Variants in MCPH1 observed in about 807,000 individuals in gnomAD.
MCPH1 encodes the protein microcephalin 1.
MCPH1 carries 104 observed loss-of-function variants against 84.5 expected under a neutral mutation model. The ratio of observed to expected loss-of-function variants is 1.23; its 90% CI spans 1.05 to 1.45. The LOEUF (loss-of-function observed/expected upper bound fraction) is 1.45. Among genes scored for constraint, MCPH1 ranks in the 40% most tolerant of loss-of-function variants. The pLI is 0.00. For missense variants in MCPH1, 1,498 were observed against 1,005.7 expected, an observed-to-expected ratio of 1.49 and a Z score of -6.62; for synonymous variants, 514 against 366.8, an observed-to-expected ratio of 1.40 and a Z score of -4.58.
intron 4 of MCPH1, among the ~76,000 whole-genome samples, chr8:6,434,145 C>G (rs1182789506): frequency 1.3e-5 from 2 of 152,216 alleles, no homozygotes; most frequent in Non-Finnish European, 2.9e-5. Context: ...TGCTGACTGG[C>G]TCCTCCTAAC....
intron 13 of MCPH1, chr8:6,626,837 G>T: frequency 1.0e-6 from 1 of 985,140 alleles, no homozygotes; most frequent in Non-Finnish European, 1.2e-6. Flanking sequence ...CCTCCCTGCT[G>T]CTGTTATCAC....
At chr8:6,515,455 A>C (rs1006718616) in intron 12 of MCPH1, among the ~76,000 whole-genome samples, 6 of 152,192 alleles carry the variant, frequency 3.9e-5, no homozygotes, top group African/African-American at 1.4e-4. Flanking sequence ...TTCTCTGTAC[A>C]TAGCTCACTG....
At chr8:6,539,129 G>T (rs552812392) in intron 12 of MCPH1, among the ~76,000 whole-genome samples, 24 of 152,350 alleles carry the variant, frequency 1.6e-4, no homozygotes, top group African/African-American at 5.3e-4. Context: ...AAAGAGGGAA[G>T]GGCTGGGAGA....
At chr8:6,515,896 G>T (rs1445583782) in intron 12 of MCPH1, among the ~76,000 whole-genome samples, 2 of 152,316 alleles carry the variant, frequency 1.3e-5, no homozygotes, top group African/African-American at 4.8e-5. Flanking sequence ...CCAAGAGAGT[G>T]CTATTCCTGT....
chr8:6,468,402 C>G (rs138018971), intron 9 of MCPH1, among the ~76,000 whole-genome samples: 1 of 152,304 alleles, frequency 6.6e-6, no homozygotes, highest in East Asian at 1.9e-4. Flanking sequence ...TATTCTTACT[C>G]TCCCTGGCCA....
intron 9 of MCPH1, among the ~76,000 whole-genome samples, chr8:6,458,865 C>T (rs1163870365): frequency 1.8e-4 from 28 of 152,096 alleles, no homozygotes; most frequent in South Asian, 8.3e-4. Context: ...AGGCTGGTCT[C>T]GAACTCCTGA....
Position 6,578,344 on chromosome 8 carries a change from G to A in MCPH1, c.2215-43110G>A, listed in dbSNP as rs143526631. Among the ~76,000 whole-genome samples, 292 of 152,288 alleles carry A rather than the reference G, an allele frequency of 1.9e-3. 1 individual carries two copies. The highest frequency in any genetic ancestry group is 6.8e-3 in the African/African-American group (282 of 41,558). Reference sequence around the variant, plus strand: ...AAAAGAAAAGTGAGAAAACAACAAAGCTTGAAGCCTAAAACTTTGGGAAAC... The same window carrying A: ...AAAAGAAAAGTGAGAAAACAACAAAACTTGAAGCCTAAAACTTTGGGAAAC... On this transcript the variant is annotated intron_variant, in intron 12 of 13. Transcript: ENST00000344683.
At chr8:6,547,810 G>T (rs1055861088) in intron 12 of MCPH1, among the ~76,000 whole-genome samples, 1 of 152,112 alleles carries the variant, frequency 6.6e-6, no homozygotes, top group Non-Finnish European at 1.5e-5. Flanking sequence ...GGGGAGCACC[G>T]GAAGAAGGGA....
At chr8:6,555,387 A>T (rs558823454) in intron 12 of MCPH1, among the ~76,000 whole-genome samples, 2 of 151,882 alleles carry the variant, frequency 1.3e-5, no homozygotes, top group Non-Finnish European at 2.9e-5. Flanking sequence ...CTGTAACTAG[A>T]TGTATGGTTT....
At position 6,505,320 on chromosome 8, in the gene MCPH1, G is replaced by T. The variant is rs1199301052; in HGVS notation, c.2214+5391G>T. Among the ~76,000 whole-genome samples the T allele has an allele frequency of 8.2e-5, 4 of 48,566 alleles. 1 individual carries two copies. Among genetic ancestry groups the T allele is most frequent in the African/African-American group, 4.7e-4 (4 of 8,514 alleles). The allele number at this position is 48,566 out of a possible 152,430, so 31.9% of individuals were successfully genotyped here. On this transcript the variant is annotated intron_variant, in intron 12 of 13. Transcript: ENST00000344683. ...ATATATATGTATATAACATATATAT[G>T]TTATATACATATAGAAAGAATATAT...
intron 12 of MCPH1, chr8:6,617,239 A>AGTTAC (rs1414847016): frequency 7.3e-6 from 1 of 136,074 alleles, no homozygotes; most frequent in African/African-American, 3.0e-5. Flanking sequence ...CCTGTATGAA[A>AGTTAC]GTTATGGGTT....
chr8:6,629,526 G>A (rs933688407), intron 13 of MCPH1, among the ~76,000 whole-genome samples: 18 of 152,134 alleles, frequency 1.2e-4, no homozygotes, highest in Admixed American at 1.1e-3. Flanking sequence ...ACAGAGAAGA[G>A]TCCAAGTGAG....
At chr8:6,490,488 T>A (rs573571445) in intron 11 of MCPH1, among the ~76,000 whole-genome samples, 1 of 152,224 alleles carries the variant, frequency 6.6e-6, no homozygotes, top group Non-Finnish European at 1.5e-5. Flanking sequence ...TCTTACAGTC[T>A]GTGTGTAAGC....
intron 9 of MCPH1, among the ~76,000 whole-genome samples, chr8:6,457,883 G>C (rs1295661070): frequency 6.6e-6 from 1 of 152,086 alleles, no homozygotes; most frequent in Non-Finnish European, 1.5e-5. Flanking sequence ...CCCTAGGGTA[G>C]TGCTTCCTGA....
At chr8:6,639,652 G>A (rs539063420) in intron 13 of MCPH1, among the ~76,000 whole-genome samples, 2 of 148,698 alleles carry the variant, frequency 1.3e-5, no homozygotes, top group South Asian at 2.1e-4. Context: ...AATGGATCAA[G>A]ATCCTGTCTC....
chr8:6,619,863 T>A (rs1469835600), intron 12 of MCPH1, among the ~76,000 whole-genome samples: 1 of 152,176 alleles, frequency 6.6e-6, no homozygotes, highest in Non-Finnish European at 1.5e-5. Context: ...GGATTACAGG[T>A]GTGAGCCACC....
chr8:6,627,010 G>A lies in MCPH1; in HGVS notation c.2452+5319G>A, dbSNP rs912636304. On this transcript the variant is annotated intron_variant, in intron 13 of 13. Coordinates refer to ENST00000344683, the MANE Select transcript of MCPH1 (RefSeq NM_024596.5). ...AAAAAAAAAAAAAAGTTTAGCCTCC[G>A]CCTGATTTTCTTATAACTTATAAAG... The A allele has an allele frequency of 6.9e-5, 68 of 984,352 alleles. No individual in the cohort carries two copies. In the Middle Eastern group the frequency reaches 1.6e-3, roughly 23 times the overall value. The allele number at this position is 984,352 out of a possible 1,614,324, so 61.0% of individuals were successfully genotyped here.
intron 13 of MCPH1, chr8:6,625,357 C>A (rs903550584): frequency 2.0e-6 from 2 of 985,296 alleles, no homozygotes; most frequent in African/African-American, 3.5e-5. Context: ...CCTCATCATC[C>A]CTGCCCCTTC....
At chr8:6,623,816 A>G (rs1391996831) in intron 13 of MCPH1, among the ~76,000 whole-genome samples, 1 of 151,256 alleles carries the variant, frequency 6.6e-6, no homozygotes, top group Non-Finnish European at 1.5e-5. Context: ...TCTGAAACAG[A>G]GGTTGTTGTT....
Sources: gnomAD v4.1 joint callset for allele counts (sites outside exome capture counted in the v4.1 genomes callset) on GRCh38, gnomAD v4.1.1 for gene constraint, MANE v1.5 for transcripts, NCBI Gene and HGNC (gene_info 2026-07-23, HGNC 2026-07-21) for gene names.